Variants in PRKCE observed in about 807,000 individuals in gnomAD.
The protein encoded by PRKCE is protein kinase C epsilon type.
A neutral mutation model predicts 85.4 loss-of-function variants in PRKCE; 16 were observed. That is an observed-to-expected ratio of 0.19 (90% confidence interval 0.13 to 0.28). The LOEUF (loss-of-function observed/expected upper bound fraction) is 0.28, where lower values mean the gene tolerates loss of function less well. Ranked by LOEUF, PRKCE falls within the 10% of genes least tolerant of loss-of-function variation. PRKCE has a pLI of 1.00. For missense variants in PRKCE, 573 were observed against 975.2 expected, an observed-to-expected ratio of 0.59 and a Z score of 5.49; for synonymous variants, 388 against 371.5, an observed-to-expected ratio of 1.04 and a Z score of -0.51.
At chr2:45,865,800 T>TTTCTTCTTCTTC (rs371476589) in intron 2 of PRKCE, among the ~76,000 whole-genome samples, 87 of 126,042 alleles carry the variant, frequency 6.9e-4, no homozygotes, top group Non-Finnish European at 1.2e-3. Flanking sequence ...AGAAAATAAG[T>TTTCTTCTTCTTC]TTCTTCTTCT....
chr2:45,992,284 G>A (rs767547863), intron 6 of PRKCE, among the ~76,000 whole-genome samples: 44 of 152,176 alleles, frequency 2.9e-4, no homozygotes, highest in South Asian at 6.2e-4. Flanking sequence ...TGAAAATTCA[G>A]TCTGAGCTTT....
At chr2:46,154,154 G>A (rs2104544888) in intron 13 of PRKCE, among the ~76,000 whole-genome samples, 1 of 152,216 alleles carries the variant, frequency 6.6e-6, no homozygotes, top group South Asian at 2.1e-4. Context: ...ACCCTCGGAG[G>A]ACCAGACAGG....
rs1020200251 is a variant in PRKCE at position 45,652,537 on chromosome 2, C to T, written c.348+89C>T. 1 of 1,259,648 alleles carries T rather than the reference C, an allele frequency of 7.9e-7. No individual in the cohort carries two copies. Among genetic ancestry groups the T allele is most frequent in the East Asian group, 2.5e-5 (1 of 39,616 alleles). 78.0% of individuals were successfully genotyped at this position (1,259,648 alleles called of 1,614,324 possible). A position where few individuals can be genotyped will look rare whatever the true frequency, so the allele number is the denominator to read the frequency against. ...TGGTCTTGATCGTAGGGCTCCGGGA[C>T]TTATTGACGACTGGGGTGTGTGTGC... On this transcript the variant is annotated intron_variant, in intron 1 of 14. Transcript: ENST00000306156. This position sits in a 1 kb window ranked among gnomAD's most constrained non-coding sequence, Gnocchi z 7.7.
intron 1 of PRKCE, among the ~76,000 whole-genome samples, chr2:45,768,725 C>T (rs938139075): frequency 6.6e-6 from 1 of 152,194 alleles, no homozygotes; most frequent in African/African-American, 2.4e-5. Context: ...TGAAGGAAAA[C>T]CCATTTCTAC....
intron 14 of PRKCE, among the ~76,000 whole-genome samples, chr2:46,160,293 G>T (rs987542671): frequency 6.6e-6 from 1 of 152,142 alleles, no homozygotes; most frequent in African/African-American, 2.4e-5. Context: ...CTTCTCTGCC[G>T]CACTCTCCCT....
intron 6 of PRKCE, among the ~76,000 whole-genome samples, chr2:45,997,163 C>A (rs1704285660): frequency 6.6e-6 from 1 of 152,130 alleles, no homozygotes; most frequent in Non-Finnish European, 1.5e-5. Flanking sequence ...ATGATGTCCT[C>A]TCATTTCTGA....
At chr2:46,162,615 T>A (rs972696518) in intron 14 of PRKCE, among the ~76,000 whole-genome samples, 1 of 152,094 alleles carries the variant, frequency 6.6e-6, no homozygotes, top group Admixed American at 6.5e-5. Flanking sequence ...AATTAGAACA[T>A]CTGGAAAAAG....
intron 2 of PRKCE, among the ~76,000 whole-genome samples, chr2:45,867,160 G>A (rs1178815251): frequency 1.3e-5 from 2 of 152,148 alleles, no homozygotes; most frequent in Non-Finnish European, 2.9e-5. Flanking sequence ...TCTCAGACGT[G>A]TAGCAAAATC....
chr2:45,664,196 C>T (rs1675808035), intron 1 of PRKCE, among the ~76,000 whole-genome samples: 1 of 152,216 alleles, frequency 6.6e-6, no homozygotes, highest in African/African-American at 2.4e-5. Context: ...AACTTTGTAG[C>T]ATCCTTCATG....
intron 2 of PRKCE, among the ~76,000 whole-genome samples, chr2:45,949,857 AT>A (rs1700503862): frequency 6.7e-6 from 1 of 148,644 alleles, no homozygotes; most frequent in Non-Finnish European, 1.5e-5. Flanking sequence ...AAATTTTGAT[AT>A]TTGATAGCGA....
chr2:45,826,679 C>G (rs773893032), intron 1 of PRKCE, among the ~76,000 whole-genome samples: 1 of 152,164 alleles, frequency 6.6e-6, no homozygotes, highest in Non-Finnish European at 1.5e-5. Flanking sequence ...CAGTGCAAAC[C>G]TGCTCCTGTT....
At chr2:45,998,279 G>T (rs192817686) in intron 6 of PRKCE, among the ~76,000 whole-genome samples, 6 of 152,330 alleles carry the variant, frequency 3.9e-5, no homozygotes, top group East Asian at 1.9e-4. Context: ...AAGGGGTGCT[G>T]AAGTCTCCAA....
rs921260446 is a variant in PRKCE at position 46,056,214 on chromosome 2, A to G, written c.1438-29994A>G. 2.0e-5 allele frequency among the ~76,000 whole-genome samples: 3 copies of G among 150,458 alleles called. No homozygotes were observed. In the East Asian group the frequency reaches 5.8e-4, roughly 29 times the overall value. ...AATAATTGCATTTGATCTTGATCTT[A>G]CTTCTTCACGGTTAATGTTCTTGAA... is the stretch of plus-strand genomic sequence containing the variant. On this transcript the variant is annotated intron_variant, in intron 10 of 14. Coordinates refer to ENST00000306156, the MANE Select transcript of PRKCE (RefSeq NM_005400.3).
At chr2:46,018,359 T>G (rs1330762780) in intron 10 of PRKCE, among the ~76,000 whole-genome samples, 2 of 152,076 alleles carry the variant, frequency 1.3e-5, no homozygotes, top group East Asian at 3.9e-4. Context: ...CCCGGCCTTG[T>G]GAACTTGAAG....
chr2:45,682,868 C>T (rs1677017881), intron 1 of PRKCE, among the ~76,000 whole-genome samples: 1 of 152,156 alleles, frequency 6.6e-6, no homozygotes, highest in Non-Finnish European at 1.5e-5. Flanking sequence ...CCGCCACGCC[C>T]AGCCAAGATT....
At chr2:45,827,325 G>C (rs116883242) in intron 1 of PRKCE, among the ~76,000 whole-genome samples, 3,453 of 152,278 alleles carry the variant, frequency 0.023, 167 homozygotes, top group Admixed American at 0.11. Flanking sequence ...CTAATATCTA[G>C]GATAGAAGAT....
chr2:46,079,262 C>T (rs560637329), intron 10 of PRKCE, among the ~76,000 whole-genome samples: 3 of 151,788 alleles, frequency 2.0e-5, no homozygotes, highest in South Asian at 2.1e-4. Flanking sequence ...CCTGGATGAG[C>T]GATGATTATT....
intron 1 of PRKCE, among the ~76,000 whole-genome samples, chr2:45,749,935 A>G (rs1203575847): frequency 6.6e-6 from 1 of 152,250 alleles, no homozygotes; most frequent in African/African-American, 2.4e-5. Flanking sequence ...CAAGAACTGC[A>G]TAAAAGGATA....
intron 1 of PRKCE, among the ~76,000 whole-genome samples, chr2:45,694,212 T>G (rs749084914): frequency 1.3e-5 from 2 of 150,690 alleles, no homozygotes; most frequent in Non-Finnish European, 3.0e-5. Flanking sequence ...CGTCAAGTAT[T>G]AAAGCCAGGT....
Sources: gnomAD v4.1 joint callset for allele counts (sites outside exome capture counted in the v4.1 genomes callset) on GRCh38, gnomAD v4.1.1 for gene constraint, Gnocchi (gnomAD v3.1) non-coding constraint, MANE v1.5 for transcripts, NCBI Gene and HGNC (gene_info 2026-07-23, HGNC 2026-07-21) for gene names.